NELL2: variants seen among roughly 807,000 people sequenced by gnomAD.
The protein encoded by NELL2 is neural EGFL like 2.
Under a neutral mutation model 109.6 loss-of-function variants are expected in NELL2, and 41 were observed. That is an observed-to-expected ratio of 0.37 (90% CI 0.29 to 0.49). The LOEUF is 0.49. Ranked by LOEUF, NELL2 falls within the 20% of genes least tolerant of loss-of-function variation. NELL2 has a pLI of 0.98. For missense variants in NELL2, 900 were observed against 1,008.3 expected (o/e 0.89, Z 1.45); for synonymous variants, 355 against 344.7 (o/e 1.03, Z -0.33).
At position 44,744,103 on chromosome 12, in the gene NELL2, T is replaced by A. The variant is rs547921905; in HGVS notation, c.995-29362A>T. On this transcript the variant is annotated intron_variant, in intron 9 of 19. Transcript: ENST00000429094. ...AATAGAAATTATAACAAACTGTCTC[T>A]CAGACCACAGTGCAATCAAACTAGA... 9.3e-4 allele frequency among the ~76,000 whole-genome samples: 142 copies of A among 152,242 alleles called. 1 individual carries two copies. Among genetic ancestry groups the A allele is most frequent in the Admixed American group, 1.9e-3 (29 of 15,294 alleles).
rs781615442 is a variant in NELL2, at chr12:44,607,162, T to G, written c.1663+7A>C. The G allele has an allele frequency of 6.2e-7, 1 of 1,608,308 alleles. No individual in the cohort carries two copies. Among genetic ancestry groups the G allele is most frequent in the Non-Finnish European group, 8.5e-7 (1 of 1,176,834 alleles). On this transcript the variant is annotated splice_region_variant and intron_variant, in intron 15 of 19. Coordinates refer to ENST00000429094, the MANE Select transcript of NELL2 (RefSeq NM_001145108.2). The stretch of plus-strand genomic sequence containing the variant: ...TCATTTTCTAGAAGATGAAATGATA[T>G]TCTTACCCGTTTCACAGCTGGGTCC...
intron 15 of NELL2, among the ~76,000 whole-genome samples, chr12:44,561,559 C>A (rs1353972510): frequency 6.6e-6 from 1 of 152,052 alleles, no homozygotes; most frequent in Admixed American, 6.6e-5. Context: ...TGAGTGAATT[C>A]CCATTAACAA....
rs1352753295 is a variant in NELL2 at position 44,784,101 on chromosome 12, C to G, written c.336-4079G>C. 2.6e-5 allele frequency among the ~76,000 whole-genome samples: 4 copies of G among 151,930 alleles called. No individual in the cohort carries two copies. The East Asian group carries it at 7.7e-4, about 29-fold the overall frequency. On this transcript the variant is annotated intron_variant, in intron 3 of 19. Coordinates refer to ENST00000429094, the MANE Select transcript of NELL2 (RefSeq NM_001145108.2). Reference sequence around the variant, plus strand: ...TGACTTATGCAGAAAAAGCATTTGACAAAATTCAGCACCAATTAAAGATGA... The same window carrying G: ...TGACTTATGCAGAAAAAGCATTTGAGAAAATTCAGCACCAATTAAAGATGA...
At chr12:44,638,583 A>G (rs1210436597) in intron 13 of NELL2, among the ~76,000 whole-genome samples, 3 of 152,174 alleles carry the variant, frequency 2.0e-5, no homozygotes, top group Non-Finnish European at 4.4e-5. Context: ...CAAAATGAGA[A>G]GAGAAATCAG....
At chr12:44,757,007 T>C (rs1379120689) in intron 9 of NELL2, among the ~76,000 whole-genome samples, 1 of 152,190 alleles carries the variant, frequency 6.6e-6, no homozygotes, top group Non-Finnish European at 1.5e-5. Flanking sequence ...AAACTCCTTA[T>C]GGCCAAAAGT....
intron 9 of NELL2, among the ~76,000 whole-genome samples, chr12:44,738,336 A>G (rs1939761989): frequency 6.6e-6 from 1 of 152,182 alleles, no homozygotes; most frequent in Non-Finnish European, 1.5e-5. Context: ...AATCTCTCAA[A>G]GAATATGCAC....
At chr12:44,913,369 T>C (rs1379620261) in intron 1 of NELL2, among the ~76,000 whole-genome samples, 1 of 152,166 alleles carries the variant, frequency 6.6e-6, no homozygotes, top group Non-Finnish European at 1.5e-5. Context: ...AGAAATAAAG[T>C]TGATTTCTAG....
intron 15 of NELL2, among the ~76,000 whole-genome samples, chr12:44,536,559 G>A (rs951136473): frequency 4.6e-5 from 7 of 151,846 alleles, no homozygotes; most frequent in African/African-American, 1.5e-4. Flanking sequence ...AAGTTTGAAC[G>A]CATTATTTTC....
At chr12:44,891,587 C>A (rs1945534730) in intron 1 of NELL2, among the ~76,000 whole-genome samples, 2 of 151,976 alleles carry the variant, frequency 1.3e-5, no homozygotes, top group East Asian at 3.9e-4. Context: ...AGATGTTATT[C>A]TCTTTAAATT....
intron 1 of NELL2, among the ~76,000 whole-genome samples, chr12:44,891,674 C>T (rs1204515797): frequency 6.6e-6 from 1 of 151,732 alleles, no homozygotes; most frequent in Non-Finnish European, 1.5e-5. Flanking sequence ...ATTTTTCTAC[C>T]TTTCCCACTA....
At chr12:44,655,541 T>A (rs1030407581) in intron 13 of NELL2, among the ~76,000 whole-genome samples, 1 of 152,236 alleles carries the variant, frequency 6.6e-6, no homozygotes, top group Non-Finnish European at 1.5e-5. Flanking sequence ...AGAAAAGAGA[T>A]AAGCACATTG....
rs543459350 is a variant in NELL2 at position 44,733,011 on chromosome 12, T to C, written c.995-18270A>G. 3.9e-5 allele frequency among the ~76,000 whole-genome samples: 6 copies of C among 151,954 alleles called. No homozygotes were observed. In the South Asian group the frequency reaches 1.2e-3, roughly 31 times the overall value. ...AACTGCAATGCAACATCACCTCACA[T>C]CTGCTAGGATTGTCATTACCAAAAA... is the stretch of plus-strand genomic sequence containing the variant. On this transcript the variant is annotated intron_variant, in intron 9 of 19. Coordinates refer to ENST00000429094, the MANE Select transcript of NELL2 (RefSeq NM_001145108.2).
intron 13 of NELL2, among the ~76,000 whole-genome samples, chr12:44,652,561 A>C (rs908491692): frequency 6.6e-6 from 1 of 152,194 alleles, no homozygotes; most frequent in African/African-American, 2.4e-5. Context: ...CTCTCTACAA[A>C]CACCAAACTT....
Position 44,875,864 on chromosome 12 carries a change from C to G in NELL2, c.6G>C (p.Glu2Asp). Reference sequence around the variant, plus strand: ...AGAATGTTCTCAGTAAGACCCGAGACTCCATGGTGCGGATCAGCTCAGTCC... The same window carrying G: ...AGAATGTTCTCAGTAAGACCCGAGAGTCCATGGTGCGGATCAGCTCAGTCC... Reference protein sequence around the residue: MESRVLLRTFCL... With the variant: MDSRVLLRTFCL... The change falls in exon 1 of 20, where the codon GAG becomes GAC. Residue 2 changes from glutamate (E) to aspartate (D), a missense_variant. Transcript: ENST00000429094. The G allele has an allele frequency of 6.2e-7, 1 of 1,614,070 alleles. No homozygotes were observed. Among genetic ancestry groups the G allele is most frequent in the Non-Finnish European group, 8.5e-7 (1 of 1,180,040 alleles).
At chr12:44,852,117 T>G (rs1459947262) in intron 2 of NELL2, among the ~76,000 whole-genome samples, 1 of 152,204 alleles carries the variant, frequency 6.6e-6, no homozygotes, top group East Asian at 1.9e-4. Context: ...AAAATATAAA[T>G]GCATTCACCG....
intron 3 of NELL2, among the ~76,000 whole-genome samples, chr12:44,804,535 C>A (rs939117170): frequency 4.0e-5 from 6 of 151,656 alleles, no homozygotes; most frequent in African/African-American, 1.5e-4. Flanking sequence ...AAGGAAATAG[C>A]AAAATAAGTT....
chr12:44,729,947 C>A (rs1039214100), intron 9 of NELL2, among the ~76,000 whole-genome samples: 3 of 152,054 alleles, frequency 2.0e-5, no homozygotes, highest in African/African-American at 7.2e-5. Flanking sequence ...CCTGCCCCCA[C>A]ACTAATTTTT....
intron 1 of NELL2, among the ~76,000 whole-genome samples, chr12:44,909,527 C>T (rs1354342913): frequency 7.2e-5 from 11 of 151,826 alleles, no homozygotes; most frequent in Admixed American, 2.0e-4. Context: ...AAGCAATCTA[C>T]GGATTCAATG....
At chr12:44,737,874 G>T (rs1205340847) in intron 9 of NELL2, among the ~76,000 whole-genome samples, 2 of 147,438 alleles carry the variant, frequency 1.4e-5, no homozygotes, top group African/African-American at 5.2e-5. Context: ...GAACTAAAGG[G>T]CAAACGGTTG....
Sources: allele counts gnomAD v4.1 joint callset (sites outside exome capture counted in the v4.1 genomes callset), GRCh38; gene constraint gnomAD v4.1.1; transcripts MANE v1.5; gene names NCBI Gene and HGNC (gene_info 2026-07-23, HGNC 2026-07-21).